Variants in AUTS2 observed in about 807,000 individuals in gnomAD.
AUTS2 encodes activator of transcription and developmental regulator AUTS2.
Under a neutral mutation model 112.4 loss-of-function variants are expected in AUTS2, and 17 were observed. The observed-to-expected ratio is 0.15, with a 90% CI of 0.10 to 0.23. The LOEUF (loss-of-function observed/expected upper bound fraction) is 0.23. Among genes scored for constraint, AUTS2 ranks in the 10% least tolerant of loss-of-function variants. The pLI, the probability that AUTS2 is intolerant of heterozygous loss-of-function variation, is 1.00. For synonymous variants in AUTS2, 751 were observed against 702.7 expected (o/e 1.07, Z -1.09); for missense variants, 1,510 against 1,701.6 (o/e 0.89, Z 1.98).
At chr7:70,055,968 G>A (rs1176813766) in intron 2 of AUTS2, among the ~76,000 whole-genome samples, 1 of 151,774 alleles carries the variant, frequency 6.6e-6, no homozygotes, top group Non-Finnish European at 1.5e-5. Flanking sequence ...ATAGGCGTGA[G>A]CCACCATGCC....
chr7:70,175,096 C>G (rs1357490257), intron 4 of AUTS2, among the ~76,000 whole-genome samples: 2 of 152,034 alleles, frequency 1.3e-5, no homozygotes, highest in Non-Finnish European at 2.9e-5. Flanking sequence ...ACATTCATGA[C>G]ATATAGGAGG....
intron 1 of AUTS2, among the ~76,000 whole-genome samples, chr7:69,630,945 G>T (rs1252401681): frequency 1.3e-5 from 2 of 151,008 alleles, no homozygotes; most frequent in Admixed American, 6.6e-5. Flanking sequence ...CCTTCTCTGT[G>T]GTCCGAATAT....
At chr7:70,435,036 T>A (rs1440052133) in intron 4 of AUTS2, among the ~76,000 whole-genome samples, 1 of 152,086 alleles carries the variant, frequency 6.6e-6, no homozygotes, top group Non-Finnish European at 1.5e-5. Context: ...CCAAACTCAG[T>A]GGTTGGAATT....
intron 4 of AUTS2, among the ~76,000 whole-genome samples, chr7:70,386,220 T>C (rs1168918522): frequency 6.6e-6 from 1 of 152,304 alleles, no homozygotes; most frequent in African/African-American, 2.4e-5. Flanking sequence ...GCCTGATGTC[T>C]TAGACAGAGG....
At position 70,367,135 on chromosome 7, in the gene AUTS2, A is replaced by G. The variant is rs188397860; in HGVS notation, c.661-68617A>G. 1.4e-3 allele frequency among the ~76,000 whole-genome samples: 211 copies of G among 152,194 alleles called. 4 individuals are homozygous for G. Among genetic ancestry groups the G allele is most frequent in the South Asian group, 7.5e-3 (36 of 4,820 alleles). On this transcript the variant is annotated intron_variant, in intron 4 of 18. Coordinates refer to ENST00000342771, the MANE Select transcript of AUTS2 (RefSeq NM_015570.4). ...ACCCCGTCTCTACTAAAAGTATAAA[A>G]ATTAGCCGGGTGTGGTCTACTCAGG... is the stretch of plus-strand genomic sequence containing the variant.
At chr7:70,419,405 A>C (rs768737352) in intron 4 of AUTS2, among the ~76,000 whole-genome samples, 76 of 149,046 alleles carry the variant, frequency 5.1e-4, no homozygotes, top group Admixed American at 1.1e-3. Flanking sequence ...TTCACTGTAA[A>C]ATTGGAAAAC....
chr7:70,321,936 T>C (rs1450344343), intron 4 of AUTS2, among the ~76,000 whole-genome samples: 4 of 152,228 alleles, frequency 2.6e-5, no homozygotes. Context: ...AAAAACTTAC[T>C]TGGTCAGTCC....
chr7:70,395,766 A>G (rs1382667126), intron 4 of AUTS2, among the ~76,000 whole-genome samples: 1 of 152,190 alleles, frequency 6.6e-6, no homozygotes, highest in Non-Finnish European at 1.5e-5. Flanking sequence ...GAGTCAGAAG[A>G]GTTGGGAATG....
intron 2 of AUTS2, among the ~76,000 whole-genome samples, chr7:70,108,459 C>A (rs1335790628): frequency 1.3e-5 from 2 of 151,768 alleles, no homozygotes; most frequent in Non-Finnish European, 2.9e-5. Flanking sequence ...TATAATGAAC[C>A]CAACATCATC....
intron 1 of AUTS2, among the ~76,000 whole-genome samples, chr7:69,889,566 G>A (rs1209275906): frequency 6.6e-6 from 1 of 152,148 alleles, no homozygotes; most frequent in African/African-American, 2.4e-5. Flanking sequence ...TATTCCAGAT[G>A]ACTAATGAGC....
chr7:69,934,975 T>A (rs996218141), intron 2 of AUTS2, among the ~76,000 whole-genome samples: 3 of 152,212 alleles, frequency 2.0e-5, no homozygotes, highest in African/African-American at 7.2e-5. Flanking sequence ...GAAGGAAAAG[T>A]TACGGTTTTG....
At chr7:70,703,490 C>CAAAAAAAA (rs57223380) in intron 6 of AUTS2, among the ~76,000 whole-genome samples, 1 of 98,640 alleles carries the variant, frequency 1.0e-5, no homozygotes, top group Non-Finnish European at 1.9e-5. Flanking sequence ...GACACCATTT[C>CAAAAAAAA]AAAAAAAAAA....
intron 4 of AUTS2, among the ~76,000 whole-genome samples, chr7:70,341,845 A>G (rs1791278503): frequency 6.6e-6 from 1 of 152,252 alleles, no homozygotes. Context: ...ATTGACTTGC[A>G]GTGCAAGTTT....
chr7:70,179,860 C>T (rs1809204694), intron 4 of AUTS2, among the ~76,000 whole-genome samples: 1 of 152,174 alleles, frequency 6.6e-6, no homozygotes, highest in Admixed American at 6.5e-5. Flanking sequence ...ATCTCCTACT[C>T]TCAGACTCTT....
intron 4 of AUTS2, among the ~76,000 whole-genome samples, chr7:70,261,228 A>C (rs1307474230): frequency 6.6e-6 from 1 of 152,248 alleles, no homozygotes; most frequent in Non-Finnish European, 1.5e-5. Flanking sequence ...CACACACAAA[A>C]AGGTACATAC....
At chr7:70,273,081 CTCTG>C (rs1307673077) in intron 4 of AUTS2, among the ~76,000 whole-genome samples, 2 of 152,168 alleles carry the variant, frequency 1.3e-5, no homozygotes, top group African/African-American at 4.8e-5. Context: ...CAGGGTCTCA[CTCTG>C]TCTCCCAGTC....
intron 4 of AUTS2, among the ~76,000 whole-genome samples, chr7:70,364,427 A>G (rs976995655): frequency 1.6e-4 from 24 of 151,884 alleles, no homozygotes; most frequent in African/African-American, 4.4e-4. Flanking sequence ...TTAGCTGGGC[A>G]TGGTGGCACG....
At chr7:70,125,552 G>A (rs1041604990) in intron 3 of AUTS2, among the ~76,000 whole-genome samples, 1 of 152,046 alleles carries the variant, frequency 6.6e-6, no homozygotes, top group African/African-American at 2.4e-5. Flanking sequence ...GAAACTAGAG[G>A]GGAACCTTCT....
At chr7:69,729,976 T>TG (rs1409724025) in intron 1 of AUTS2, among the ~76,000 whole-genome samples, 103 of 149,572 alleles carry the variant, frequency 6.9e-4, no homozygotes, top group African/African-American at 2.3e-3. Flanking sequence ...TATGTTTTTT[T>TG]TTGTTGTTGT....
Sources: allele counts gnomAD v4.1 joint callset (sites outside exome capture counted in the v4.1 genomes callset), GRCh38; gene constraint gnomAD v4.1.1; transcripts MANE v1.5; gene names NCBI Gene and HGNC (gene_info 2026-07-23, HGNC 2026-07-21).